CEP112: variants seen among roughly 807,000 people sequenced by gnomAD.
CEP112 encodes the protein centrosomal protein of 112 kDa.
A neutral mutation model predicts 153.0 loss-of-function variants in CEP112; 127 were observed. That is an observed-to-expected ratio of 0.83 (90% CI 0.72 to 0.96). CEP112 has a LOEUF of 0.96. Among genes scored for constraint, CEP112 ranks in the 40% least tolerant of loss-of-function variants. CEP112 has a pLI of 0.00. For missense variants in CEP112, 1,089 were observed against 1,101.2 expected (o/e 0.99, Z 0.16); for synonymous variants, 358 against 374.4 (o/e 0.96, Z 0.51).
At chr17:65,712,272 C>T (rs757773912) in intron 23 of CEP112, among the ~76,000 whole-genome samples, 4 of 152,156 alleles carry the variant, frequency 2.6e-5, no homozygotes, top group Non-Finnish European at 4.4e-5. Context: ...AATGGTCTGG[C>T]CGCCATGGGG....
intron 8 of CEP112, among the ~76,000 whole-genome samples, chr17:66,093,736 T>C (rs2146262610): frequency 6.6e-6 from 1 of 152,292 alleles, no homozygotes; most frequent in Middle Eastern, 3.4e-3. Context: ...TAATAATGGT[T>C]AAAATGTCCA....
intron 6 of CEP112, among the ~76,000 whole-genome samples, chr17:66,098,194 CCTT>C (rs1314514312): frequency 6.6e-6 from 1 of 152,222 alleles, no homozygotes; most frequent in Non-Finnish European, 1.5e-5. Context: ...ACATCACTAT[CCTT>C]CTTCTGTCCA....
intron 20 of CEP112, among the ~76,000 whole-genome samples, chr17:65,878,526 G>A (rs934361018): frequency 2.0e-5 from 3 of 152,124 alleles, no homozygotes; most frequent in African/African-American, 7.2e-5. Context: ...CGTGTTTGGG[G>A]GACACTCATC....
At chr17:65,685,157 G>A (rs577444238) in intron 24 of CEP112, among the ~76,000 whole-genome samples, 2 of 152,254 alleles carry the variant, frequency 1.3e-5, no homozygotes, top group South Asian at 4.1e-4. Flanking sequence ...CCGCTTGAGG[G>A]GACAGAAGGG....
intron 17 of CEP112, among the ~76,000 whole-genome samples, chr17:65,968,072 C>A (rs1014177350): frequency 6.6e-6 from 1 of 152,002 alleles, no homozygotes; most frequent in Non-Finnish European, 1.5e-5. Context: ...TAATGTATTT[C>A]ATTACAGATG....
intron 16 of CEP112, among the ~76,000 whole-genome samples, chr17:66,010,494 T>C (rs1477456855): frequency 1.3e-5 from 2 of 152,288 alleles, no homozygotes; most frequent in East Asian, 3.9e-4. Context: ...TCCACTACTA[T>C]GTTAAATAGG....
intron 2 of CEP112, among the ~76,000 whole-genome samples, chr17:66,178,128 G>C (rs537544945): frequency 1.4e-3 from 214 of 152,240 alleles, no homozygotes; most frequent in Non-Finnish European, 2.4e-3. Context: ...TAGTTTTTCT[G>C]AGGAACCTCA....
At position 65,683,892 on chromosome 17, in the gene CEP112, T is replaced by G. The variant is rs995947602; in HGVS notation, c.2697+5237A>C. Among the ~76,000 whole-genome samples, 15 of 152,140 alleles carry G rather than the reference T, an allele frequency of 9.9e-5. No homozygotes were observed. The East Asian group carries it at 2.7e-3, about 28-fold the overall frequency. On this transcript the variant is annotated intron_variant, in intron 24 of 26. Transcript: ENST00000535342. ...CCCCGTCTCTACTAAAATACAAAAATTAGCCAGGCATGGTGGTGGGCGTCT... is the reference window on the plus strand; with the variant it reads ...CCCCGTCTCTACTAAAATACAAAAAGTAGCCAGGCATGGTGGTGGGCGTCT...
At position 65,683,293 on chromosome 17, in the gene CEP112, G is replaced by A. The variant is rs191373932; in HGVS notation, c.2697+5836C>T. ...AGTTGGTTGCTGCAAAGCTGTGATC[G>A]AAATGTTAAAGTGTGACTTTTAGCT... is the stretch of plus-strand genomic sequence containing the variant. On this transcript the variant is annotated intron_variant, in intron 24 of 26. Transcript: ENST00000535342. Among the ~76,000 whole-genome samples, 17 of 152,344 alleles carry A rather than the reference G, an allele frequency of 1.1e-4. No individual in the cohort carries two copies. The East Asian group carries it at 1.7e-3, about 16-fold the overall frequency.
chr17:65,683,191 C>T (rs1467928787), intron 24 of CEP112, among the ~76,000 whole-genome samples: 2 of 152,228 alleles, frequency 1.3e-5, no homozygotes, highest in African/African-American at 4.8e-5. Context: ...CCTAAACACA[C>T]ACAATTACCA....
intron 24 of CEP112, among the ~76,000 whole-genome samples, chr17:65,675,997 G>A (rs1389653040): frequency 6.6e-6 from 1 of 152,100 alleles, no homozygotes; most frequent in African/African-American, 2.4e-5. Flanking sequence ...AAAATCAATT[G>A]TATTTCAGTA....
intron 4 of CEP112, among the ~76,000 whole-genome samples, chr17:66,159,209 T>C (rs867189896): frequency 6.6e-6 from 1 of 152,128 alleles, no homozygotes; most frequent in Middle Eastern, 3.2e-3. Context: ...CAGTAATTAA[T>C]AGCCTACCAA....
At chr17:66,124,755 A>G (rs971996437) in intron 6 of CEP112, among the ~76,000 whole-genome samples, 2 of 152,132 alleles carry the variant, frequency 1.3e-5, no homozygotes, top group Admixed American at 6.5e-5. Context: ...TCCTGCCACT[A>G]TATCAGTGAT....
At chr17:66,035,232 G>A (rs9913078) in intron 12 of CEP112, among the ~76,000 whole-genome samples, 8,374 of 151,806 alleles carry the variant, frequency 0.055, 306 homozygotes, top group South Asian at 0.11. Context: ...TAGGTAACCC[G>A]AGGACTGTAC....
chr17:65,898,936 C>T (rs1245690365), intron 20 of CEP112, among the ~76,000 whole-genome samples: 1 of 152,126 alleles, frequency 6.6e-6, no homozygotes, highest in Non-Finnish European at 1.5e-5. Context: ...CTAAATGGTT[C>T]AGGGCCCTAA....
intron 11 of CEP112, among the ~76,000 whole-genome samples, chr17:66,060,374 A>G (rs2066876957): frequency 6.6e-6 from 1 of 152,190 alleles, no homozygotes; most frequent in Non-Finnish European, 1.5e-5. Flanking sequence ...CAAAATATCA[A>G]TGACATTTTC....
At chr17:65,640,831 T>C in intron 25 of CEP112, 133 bp downstream of exon 25, 1 of 595,226 alleles carries the variant, frequency 1.7e-6, no homozygotes, top group East Asian at 2.8e-5. Context: ...AAAATGAAAA[T>C]TTATCCTGAG....
intron 21 of CEP112, among the ~76,000 whole-genome samples, chr17:65,782,569 G>A (rs1380733762): frequency 1.3e-5 from 2 of 152,140 alleles, no homozygotes; most frequent in Non-Finnish European, 2.9e-5. Flanking sequence ...ATTCACAATA[G>A]CAAAACCATG....
intron 21 of CEP112, among the ~76,000 whole-genome samples, chr17:65,752,835 T>C (rs2051970724): frequency 6.6e-6 from 1 of 152,214 alleles, no homozygotes; most frequent in Non-Finnish European, 1.5e-5. Flanking sequence ...AAGTTCTCAA[T>C]GCTATTGATT....
Sources: gnomAD v4.1 joint callset for allele counts (sites outside exome capture counted in the v4.1 genomes callset) on GRCh38, gnomAD v4.1.1 for gene constraint, MANE v1.5 for transcripts, NCBI Gene and HGNC (gene_info 2026-07-23, HGNC 2026-07-21) for gene names.